ULK1: variants seen among roughly 807,000 people sequenced by gnomAD.
ULK1 encodes the protein unc-51 like autophagy activating kinase 1.
Under a neutral mutation model 117.5 loss-of-function variants are expected in ULK1, and 48 were observed. The observed-to-expected ratio is 0.41, with a 90% confidence interval of 0.32 to 0.52. The LOEUF (loss-of-function observed/expected upper bound fraction) is 0.52. Ranked by LOEUF, ULK1 falls within the 20% of genes least tolerant of loss-of-function variation. ULK1 has a pLI of 0.29. For missense variants in ULK1, 1,387 were observed against 1,473.4 expected (o/e 0.94, Z 0.96); for synonymous variants, 790 against 637.8 (o/e 1.24, Z -3.60).
At chr12:131,913,925 C>CCT in intron 15 of ULK1, 89 bp downstream of exon 15, 2 of 1,183,984 alleles carry the variant, frequency 1.7e-6, no homozygotes, top group Non-Finnish European at 2.3e-6. Flanking sequence ...CCAGCCCAGG[C>CCT]CTGCTGTGTC....
At chr12:131,907,010 G>A (rs1773357428) in intron 4 of ULK1, 86 bp downstream of exon 4, 2 of 1,571,570 alleles carry the variant, frequency 1.3e-6, no homozygotes, top group Non-Finnish European at 8.7e-7. Flanking sequence ...CTGGGGGGAG[G>A]GTGATGAGCA....
In ULK1 at chr12:131,914,237, C is replaced by G. The variant is rs1375346946; in HGVS notation, c.1248-115C>G. The G allele has an allele frequency of 2.0e-6, 3 of 1,502,154 alleles. No homozygotes were observed. The East Asian group carries it at 6.8e-5, about 34-fold the overall frequency. 93.1% of individuals were successfully genotyped at this position (1,502,154 alleles called of 1,614,324 possible). ...AGACCTGGCATGGGTCTCAGGGTGGCCTCTGCCCTAACTAGGAAGTCTGGG... is the reference window on the plus strand; with the variant it reads ...AGACCTGGCATGGGTCTCAGGGTGGGCTCTGCCCTAACTAGGAAGTCTGGG... On this transcript the variant is annotated intron_variant, in intron 15 of 27. Transcript: ENST00000321867.
chr12:131,913,695 A>G (rs1889643054), intron 14 of ULK1, 52 bp from the exon 15 acceptor site: 6 of 1,334,344 alleles, frequency 4.5e-6, no homozygotes, highest in Non-Finnish European at 5.0e-6. Flanking sequence ...ACAGAGTGAG[A>G]CTGCCCCAAA....
At position 131,918,097 on chromosome 12, in the gene ULK1, A is replaced by C. The variant is rs527687709; in HGVS notation, c.2327-400A>C. Among the ~76,000 whole-genome samples, 6 of 152,058 alleles carry C rather than the reference A, an allele frequency of 3.9e-5. No homozygotes were observed. The South Asian group carries it at 1.2e-3, about 32-fold the overall frequency. On this transcript the variant is annotated intron_variant, in intron 22 of 27. Transcript: ENST00000321867. Reference sequence around the variant, plus strand: ...GCCAGCCCCATAGCGAGGATGGGGGACTGCCTTGCCCTTTGAGGTCCTTTT... The same window carrying C: ...GCCAGCCCCATAGCGAGGATGGGGGCCTGCCTTGCCCTTTGAGGTCCTTTT...
At position 131,919,472 on chromosome 12, in the gene ULK1, C is replaced by T; in HGVS notation, c.2685C>T (p.Gly895=). ...DQISLLSREW[G]FAEQLVLYLK... The stretch of plus-strand genomic sequence containing the variant: ...CCTCTGATCTGCCTGCCGCCCCCAG[C>T]TTCGCGGAACAGCTGGTGCTGTACC... Residue 895 remains glycine, a splice_region_variant and synonymous_variant, in exon 25 of 28, where the codon GGC becomes GGT. Transcript: ENST00000321867. 1 of 1,609,792 alleles carries T rather than the reference C, an allele frequency of 6.2e-7. No individual in the cohort carries two copies. Among genetic ancestry groups the T allele is most frequent in the Non-Finnish European group, 8.5e-7 (1 of 1,178,492 alleles).
chr12:131,919,445 C>G, intron 24 of ULK1, 27 bp from the exon 25 acceptor site: 1 of 1,600,254 alleles, frequency 6.2e-7, no homozygotes, highest in Non-Finnish European at 8.5e-7. Flanking sequence ...ACCAACCGGC[C>G]TCCTCTGATC....
At chr12:131,895,530 G>A (rs761179172) in intron 1 of ULK1, 71 bp from the exon 2 acceptor site, 10 of 1,324,958 alleles carry the variant, frequency 7.5e-6, no homozygotes, top group Non-Finnish European at 9.7e-6. Context: ...GGCCCCACCT[G>A]TGTGGACTGG....
chr12:131,918,955 AGGGTGTGGGGTG>A (rs1890016920), intron 23 of ULK1, among the ~76,000 whole-genome samples: 1 of 16,782 alleles, frequency 6.0e-5, no homozygotes, highest in Non-Finnish European at 1.2e-4. Flanking sequence ...TGTGGGGTGC[AGGGTGTGGGGTG>A]CAGGGTGTGT....
At chr12:131,898,135 G>C (rs190070694) in intron 3 of ULK1, 1 of 152,358 alleles carries the variant, frequency 6.6e-6, no homozygotes, top group South Asian at 2.1e-4. Flanking sequence ...AGGAGCCATC[G>C]TGGAGGTGCT....
At chr12:131,897,418 C>T (rs1888918793) in intron 3 of ULK1, 1 of 152,216 alleles carries the variant, frequency 6.6e-6, no homozygotes, top group Non-Finnish European at 1.5e-5. Flanking sequence ...CAGGCCCCTG[C>T]TTTAGTTGTT....
chr12:131,907,932 G>A (rs1889342190), intron 5 of ULK1, among the ~76,000 whole-genome samples: 1 of 151,600 alleles, frequency 6.6e-6, no homozygotes, highest in Admixed American at 6.6e-5. Context: ...GACAGCAGGG[G>A]GGCGGCCGCG....
chr12:131,917,611 C>T (rs1218767588), intron 22 of ULK1, 57 bp downstream of exon 22: 13 of 1,311,598 alleles, frequency 9.9e-6, no homozygotes, highest in East Asian at 8.8e-5. Context: ...AGCGCCCTAG[C>T]GGACGGGGGC....
At chr12:131,920,226 T>G in intron 26 of ULK1, 90 bp downstream of exon 26, 1 of 1,492,018 alleles carries the variant, frequency 6.7e-7, no homozygotes, top group Non-Finnish European at 9.0e-7. Flanking sequence ...GCCCACAGCG[T>G]GGTGAGACTT....
rs759014625 is a variant in ULK1 at position 131,910,780 on chromosome 12, T to A, written c.928T>A (p.Ser310Thr). ...SGSSSSSSST[S>T]HLASPPSLGE... is the part of the protein sequence containing the mutation. ...CAGCAGCTCCAGCAGCAGCTCCACC[T>A]CCCACCTGGCCTCCCCGCCGGTGAG... The change falls in exon 12 of 28, where the codon TCC (serine) becomes ACC (threonine). Residue 310 changes from serine (S) to threonine (T), a missense_variant. Physicochemically the swap from Ser to Thr is moderately conservative, Grantham distance 58. This residue lies in a region of ULK1 where 260 missense variants were observed against 271.6 expected (regional missense o/e 0.96). Transcript: ENST00000321867. 1.2e-6 allele frequency: 2 copies of A among 1,612,080 alleles called. No homozygotes were observed. Among genetic ancestry groups the A allele is most frequent in the East Asian group, 4.5e-5 (2 of 44,856 alleles).
rs961263969 is a variant in ULK1 at position 131,898,508 on chromosome 12, C to CT, written c.246+2694dup. On this transcript the variant is annotated intron_variant, in intron 3 of 27. Coordinates refer to ENST00000321867, the MANE Select transcript of ULK1 (RefSeq NM_003565.4). Reference sequence around the variant, plus strand: ...TGACATCTCTTATGGTTTTGCTTTTCTTTTTTTTTTGAGACTGAGTTTTGC... The same window carrying CT: ...TGACATCTCTTATGGTTTTGCTTTTCTTTTTTTTTTTGAGACTGAGTTTTGC... Among the ~76,000 whole-genome samples, 141 of 149,044 alleles carry CT rather than the reference C, an allele frequency of 9.5e-4. 1 individual carries two copies. The highest frequency in any genetic ancestry group is 6.8e-3 in the Admixed American group (101 of 14,896).
At position 131,894,830 on chromosome 12, in the gene ULK1, A is replaced by ACCCGGC. The variant is rs1888790857; in HGVS notation, c.-164_-159dup. On this transcript the variant is annotated 5_prime_UTR_variant, in exon 1 of 28. Transcript: ENST00000321867. ...ACCCCGCCTGGCCCGCGGGGCTGGG[A>ACCCGGC]CCCGGCCCCGGCCTGCCCGATGGGG... 1 of 150,980 alleles carries ACCCGGC rather than the reference A, an allele frequency of 6.6e-6. No individual in the cohort carries two copies. Among genetic ancestry groups the ACCCGGC allele is most frequent in the Non-Finnish European group, 1.4e-5 (1 of 71,388 alleles). 9.4% of individuals were successfully genotyped at this position (150,980 alleles called of 1,614,324 possible).
intron 26 of ULK1, 200 bp from the exon 27 acceptor site, chr12:131,920,900 C>A: frequency 1.4e-6 from 1 of 717,606 alleles, no homozygotes; most frequent in Non-Finnish European, 2.2e-6. Context: ...TGGCCAGGGT[C>A]ATCTGGTTCC....
At chr12:131,910,173 G>A (rs932551076) in intron 10 of ULK1, 81 bp from the exon 11 acceptor site, 56 of 1,593,652 alleles carry the variant, frequency 3.5e-5, no homozygotes, top group Non-Finnish European at 4.7e-5. Context: ...CAACGCGGCT[G>A]GAGCTCAGGC....
chr12:131,908,111 C>T (rs1889351612), intron 5 of ULK1, among the ~76,000 whole-genome samples: 2 of 152,228 alleles, frequency 1.3e-5, no homozygotes, highest in East Asian at 3.9e-4. Flanking sequence ...CAGGACTGCT[C>T]AAACGCCGGC....
Sources: gnomAD v4.1 joint callset for allele counts (sites outside exome capture counted in the v4.1 genomes callset) on GRCh38, gnomAD v4.1.1 for gene constraint, gnomAD v4.1.1 regional missense constraint, MANE v1.5 for transcripts, NCBI Gene and HGNC (gene_info 2026-07-23, HGNC 2026-07-21) for gene names.